The following COL5A3 variants were observed in gnomAD, a reference collection of about 807,000 sequenced individuals.
COL5A3 encodes the protein collagen type V alpha 3 chain.
In COL5A3, 172 loss-of-function variants were observed where a neutral mutation model predicts 250.0. That is an observed-to-expected ratio of 0.69 (90% CI 0.61 to 0.78). The LOEUF (loss-of-function observed/expected upper bound fraction) is 0.78. Among genes scored for constraint, COL5A3 ranks in the 30% least tolerant of loss-of-function variants. The probability of loss-of-function intolerance (pLI) is 0.00; values close to 1 mark genes in which losing one functional copy is unlikely to be tolerated. For synonymous variants in COL5A3, 937 were observed against 900.4 expected (o/e 1.04, Z -0.73); for missense variants, 2,340 against 2,334.4 (o/e 1.00, Z -0.05).
chr19:9,977,202 C>T, intron 44 of COL5A3, 27 bp downstream of exon 44: 11 of 1,611,648 alleles, frequency 6.8e-6, no homozygotes, highest in Non-Finnish European at 9.3e-6. Context: ...CCCACCCCAC[C>T]CTGCCCCACT....
Position 9,961,266 on chromosome 19 carries a change from A to G in COL5A3, c.4852-376T>C, listed in dbSNP as rs539218880. On this transcript the variant is annotated intron_variant, in intron 65 of 66. Transcript: ENST00000264828. ...CTGATACCAGATTTCTGCCCTGTCC[A>G]ATATGGCAGCCACATGTCTAATAGC... Among the ~76,000 whole-genome samples, 6 of 152,306 alleles carry G rather than the reference A, an allele frequency of 3.9e-5. No individual in the cohort carries two copies. The East Asian group carries it at 1.2e-3, about 29-fold the overall frequency.
At chr19:10,001,400 G>A in intron 8 of COL5A3, 124 bp downstream of exon 8, 1 of 917,850 alleles carries the variant, frequency 1.1e-6, no homozygotes, top group Non-Finnish European at 1.6e-6. Context: ...GCCCACCTAG[G>A]TCTCCCAAAG....
chr19:9,986,643 C>T (rs199595206), intron 28 of COL5A3, 37 bp from the exon 29 acceptor site: 31 of 1,613,754 alleles, frequency 1.9e-5, no homozygotes, highest in Non-Finnish European at 2.4e-5. Context: ...GTGAGGGCCT[C>T]GGGGAAGGGA....
rs549847590 is a variant in COL5A3, at chr19:9,993,276, G to C, written c.1749+104C>G. On this transcript the variant is annotated intron_variant, in intron 19 of 66. Coordinates refer to ENST00000264828, the MANE Select transcript of COL5A3 (RefSeq NM_015719.4). ...CTCCTCACCCCACAATTTGTCCCTA[G>C]CTCTCAAGCTGGCCACTGAGACCTC... 72 of 1,331,572 alleles carry C rather than the reference G, an allele frequency of 5.4e-5. No individual in the cohort carries two copies. The African/African-American group carries it at 9.8e-4, about 18-fold the overall frequency. The allele number at this position is 1,331,572 out of a possible 1,614,324, so 82.5% of individuals were successfully genotyped here.
chr19:10,000,480 T>C (rs2087344546), intron 8 of COL5A3, among the ~76,000 whole-genome samples: 1 of 115,400 alleles, frequency 8.7e-6, no homozygotes, highest in African/African-American at 3.9e-5. Context: ...TTTTTTTTTT[T>C]TTAAGAGATG....
At chr19:10,001,390 G>T in intron 8 of COL5A3, 134 bp downstream of exon 8, 2 of 806,334 alleles carry the variant, frequency 2.5e-6, no homozygotes, top group Non-Finnish European at 3.8e-6. Flanking sequence ...CAAATGATCT[G>T]CCCACCTAGG....
chr19:9,997,183 G>T (rs778127749), intron 11 of COL5A3, 188 bp downstream of exon 11: 1 of 628,778 alleles, frequency 1.6e-6, no homozygotes, highest in Non-Finnish European at 2.8e-6. Flanking sequence ...CAAAGAGTAG[G>T]CCCCAGCAAC....
Position 9,969,673 on chromosome 19 carries a change from C to T in COL5A3, c.4000G>A (p.Gly1334Ser), listed in dbSNP as rs921076196. 6.3e-7 allele frequency: 1 copy of T among 1,587,502 alleles called. No individual in the cohort carries two copies. The highest frequency in any genetic ancestry group is 2.2e-5 in the East Asian group (1 of 44,684). Residue 1334 changes from glycine (G) to serine (S), a missense_variant, in exon 56 of 67, where the codon GGT (glycine) becomes AGT (serine). Gly to Ser is a moderately conservative substitution (Grantham distance 56). This residue lies in a region of COL5A3 where 1,179 missense variants were observed against 1,162.6 expected (regional missense o/e 1.01). Coordinates refer to ENST00000264828, the MANE Select transcript of COL5A3 (RefSeq NM_015719.4). ...EGEKGAKGEP[G>S]PDGPPGRTGP... ...GTCCTCCCTGGGGGCCCATCAGGAC[C>T]TGGCTCCCCCTGAAATGGACACAGG...
At chr19:9,967,447 C>G in intron 61 of COL5A3, 47 bp from the exon 62 acceptor site, 1 of 1,379,326 alleles carries the variant, frequency 7.2e-7, no homozygotes, top group Non-Finnish European at 9.8e-7. Flanking sequence ...TATGGAGACC[C>G]TTCCCACCAA....
At chr19:10,005,532 A>G (rs941741905) in intron 4 of COL5A3, 26 bp downstream of exon 4, 1 of 1,611,818 alleles carries the variant, frequency 6.2e-7, no homozygotes, top group Non-Finnish European at 8.5e-7. Flanking sequence ...CCTCTGCCTC[A>G]GTTTCCCCCA....
In COL5A3 at chr19:9,959,622, G is replaced by C. The variant is rs2086644715; in HGVS notation, c.*789C>G. The stretch of plus-strand genomic sequence containing the variant: ...AATTATGCCCTATGGCCTGGCGGTG[G>C]GGGGCCAGGCTTGGGCTGGAATCTC... On this transcript the variant is annotated 3_prime_UTR_variant, in exon 67 of 67. Coordinates refer to ENST00000264828, the MANE Select transcript of COL5A3 (RefSeq NM_015719.4). 6.5e-6 allele frequency: 1 copy of C among 152,690 alleles called. No homozygotes were observed. Among genetic ancestry groups the C allele is most frequent in the Non-Finnish European group, 1.5e-5 (1 of 68,066 alleles). The allele number at this position is 152,690 out of a possible 1,614,324, so 9.5% of individuals were successfully genotyped here. A position where few individuals can be genotyped will look rare whatever the true frequency, so the allele number is the denominator to read the frequency against.
rs1408068146 is a variant in COL5A3 at position 9,993,367 on chromosome 19, CT to C, written c.1749+12del. On this transcript the variant is annotated intron_variant, in intron 19 of 66. Coordinates refer to ENST00000264828, the MANE Select transcript of COL5A3 (RefSeq NM_015719.4). ...ACTTTCCAAACCAGGCCCTAACTCT[CT>C]TCCAAACTTACCCTCTCACCATCCT... 6.2e-7 allele frequency: 1 copy of C among 1,613,936 alleles called. No individual in the cohort carries two copies. Among genetic ancestry groups the C allele is most frequent in the African/African-American group, 1.3e-5 (1 of 74,926 alleles).
rs144489384 is a variant in COL5A3, at chr19:9,996,219, C to A, written c.1466G>T (p.Arg489Leu). ...GPPGPVGLTG[R>L]PGPVGLPGHP... ...CGCCTTACTCACCACAGGGCCTGGGCGCCCAGTGAGCCCCACTGGACCAGG... is the reference window on the plus strand; with the variant it reads ...CGCCTTACTCACCACAGGGCCTGGGAGCCCAGTGAGCCCCACTGGACCAGG... The change falls in exon 14 of 67, where the codon CGC (arginine) becomes CTC (leucine). Residue 489 changes from arginine to leucine, a missense_variant. By Grantham distance (102) the Arg-to-Leu change is moderately radical. Coordinates refer to ENST00000264828, the MANE Select transcript of COL5A3 (RefSeq NM_015719.4). 2.6e-5 allele frequency: 41 copies of A among 1,576,196 alleles called. No individual in the cohort carries two copies. The highest frequency in any genetic ancestry group is 3.4e-5 in the Non-Finnish European group (40 of 1,163,228).
At chr19:10,007,943 C>A (rs2087466189) in intron 1 of COL5A3, among the ~76,000 whole-genome samples, 1 of 151,656 alleles carries the variant, frequency 6.6e-6, no homozygotes, top group African/African-American at 2.4e-5. Flanking sequence ...CTCTTTCTCT[C>A]ATTCTCTCTC....
chr19:10,003,480 G>T, intron 6 of COL5A3, 85 bp downstream of exon 6: 2 of 1,360,062 alleles, frequency 1.5e-6, no homozygotes, highest in South Asian at 1.3e-5. Context: ...GAGACTAGAA[G>T]TCAAGCACCA....
chr19:9,968,904 G>GGGTT lies in COL5A3; in HGVS notation c.4153-180_4153-177dup. On this transcript the variant is annotated intron_variant, in intron 57 of 66. Transcript: ENST00000264828. The surrounding 1 kb of genome is among the most constrained non-coding windows in gnomAD (Gnocchi z 4.1). ...AGGTGGGATGATGAGAGCTAATGAG[G>GGGTT]GGTTGACTGGAGGATGGACAACGTG... 2 of 664,298 alleles carry GGGTT rather than the reference G, an allele frequency of 3.0e-6. No individual in the cohort carries two copies. Among genetic ancestry groups the GGGTT allele is most frequent in the East Asian group, 5.5e-5 (2 of 36,450 alleles). The allele number at this position is 664,298 out of a possible 1,614,324, so 41.2% of individuals were successfully genotyped here. A position where few individuals can be genotyped will look rare whatever the true frequency, so the allele number is the denominator to read the frequency against.
At chr19:9,964,878 A>G (rs1390848112) in intron 64 of COL5A3, among the ~76,000 whole-genome samples, 1 of 131,210 alleles carries the variant, frequency 7.6e-6, no homozygotes, top group African/African-American at 2.9e-5. Context: ...AAAAAAAAAA[A>G]AAAAAAAAAA....
In COL5A3 at chr19:9,970,654, C is replaced by A; in HGVS notation, c.3904G>T (p.Glu1302Ter). Reference sequence around the variant, plus strand: ...CCGGGGGGCCCGGGGGCGCCGGGCTCCCCAGAAGCTCCAGGCGGACCCTGG... The same window carrying A: ...CCGGGGGGCCCGGGGGCGCCGGGCTACCCAGAAGCTCCAGGCGGACCCTGG... ...GGPGPPGASG[E>*]PGAPGPPGKR... The change falls in exon 54 of 67, where the codon GAG becomes TAG. Residue 1302 changes from glutamate (E) to a stop codon, truncating the protein, a stop_gained. Coordinates refer to ENST00000264828, the MANE Select transcript of COL5A3 (RefSeq NM_015719.4). LOFTEE classifies it high-confidence loss of function. 6.9e-7 allele frequency: 1 copy of A among 1,453,004 alleles called. No individual in the cohort carries two copies. Among genetic ancestry groups the A allele is most frequent in the East Asian group, 2.6e-5 (1 of 38,310 alleles). 90.0% of individuals were successfully genotyped at this position (1,453,004 alleles called of 1,614,324 possible). A position where few individuals can be genotyped will look rare whatever the true frequency, so the allele number is the denominator to read the frequency against.
At chr19:9,969,445 AAC>A (rs768754592) in intron 56 of COL5A3, 43 bp from the exon 57 acceptor site, 32 of 1,599,376 alleles carry the variant, frequency 2.0e-5, no homozygotes, top group Middle Eastern at 3.4e-4. Context: ...ACCCTGTCAG[AAC>A]ACAGTGTGGA....
Sources: allele counts gnomAD v4.1 joint callset (sites outside exome capture counted in the v4.1 genomes callset), GRCh38; gene constraint gnomAD v4.1.1; regional missense constraint gnomAD v4.1.1; non-coding constraint Gnocchi (gnomAD v3.1); transcripts MANE v1.5; gene names NCBI Gene and HGNC (gene_info 2026-07-23, HGNC 2026-07-21).